FANCI: variants seen among roughly 807,000 people sequenced by gnomAD.
FANCI encodes Fanconi anemia group I protein.
FANCI carries 156 observed loss-of-function variants against 176.1 expected under a neutral mutation model. The observed-to-expected ratio is 0.89, with a 90% CI of 0.78 to 1.01. FANCI has a LOEUF of 1.01. Ranked by LOEUF, FANCI falls within the 50% of genes least tolerant of loss-of-function variation. The pLI, the probability that FANCI is intolerant of heterozygous loss-of-function variation, is 0.00. For synonymous variants in FANCI, 613 were observed against 541.7 expected, an observed-to-expected ratio of 1.13 and a Z score of -1.83; for missense variants, 1,678 against 1,534.1, an observed-to-expected ratio of 1.09 and a Z score of -1.57.
intron 18 of FANCI, among the ~76,000 whole-genome samples, chr15:89,288,989 A>C (rs941989388): frequency 1.3e-5 from 2 of 151,484 alleles, no homozygotes; most frequent in African/African-American, 4.8e-5. Flanking sequence ...CTTCCAATGA[A>C]TATTCACTAA....
chr15:89,295,120 C>T (rs2054203599), intron 24 of FANCI, 26 bp downstream of exon 24: 1 of 1,547,060 alleles, frequency 6.5e-7, no homozygotes, highest in African/African-American at 1.4e-5. Flanking sequence ...CCCTTAGAAA[C>T]TTATTCCACT....
chr15:89,297,498 T>C (rs1378410220), intron 24 of FANCI, among the ~76,000 whole-genome samples: 1 of 152,094 alleles, frequency 6.6e-6, no homozygotes, highest in African/African-American at 2.4e-5. Context: ...CGAGACTCCG[T>C]CTGCAATCCC....
chr15:89,305,661 C>A lies in FANCI; in HGVS notation c.3312C>A (p.Thr1104=), dbSNP rs761527571. 1 of 1,614,182 alleles carries A rather than the reference C, an allele frequency of 6.2e-7. No homozygotes were observed. The highest frequency in any genetic ancestry group is 1.3e-5 in the African/African-American group (1 of 75,046). The change falls in exon 31 of 38, where the codon ACC becomes ACA. Residue 1104 remains threonine (T), a synonymous_variant. Transcript: ENST00000310775. ...TAGAAGAAGTGGACTGGCTAATCAC[C>A]AAGCTTAAGGGACAAGTGAGCCAAG... ...KVLEEVDWLI[T]KLKGQVSQET...
At chr15:89,300,406 G>A in intron 26 of FANCI, 21 bp downstream of exon 26, 3 of 1,605,590 alleles carry the variant, frequency 1.9e-6, no homozygotes, top group Non-Finnish European at 8.5e-7. Context: ...TTGCAAAGCT[G>A]CTGTACTGGC....
In FANCI at chr15:89,288,376, A is replaced by C. The variant is rs143051583; in HGVS notation, c.1822-1837A>C. 2.6e-3 allele frequency among the ~76,000 whole-genome samples: 390 copies of C among 152,298 alleles called. 6 individuals are homozygous for C. The highest frequency in any genetic ancestry group is 9.1e-3 in the African/African-American group (380 of 41,558). On this transcript the variant is annotated intron_variant, in intron 18 of 37. Coordinates refer to ENST00000310775, the MANE Select transcript of FANCI (RefSeq NM_001113378.2). Reference sequence around the variant, plus strand: ...ACCCTTATTTAGCTCTAAAGTAAAAAAAATTAACATGAAGTGGATCATAGA... The same window carrying C: ...ACCCTTATTTAGCTCTAAAGTAAAACAAATTAACATGAAGTGGATCATAGA...
chr15:89,249,487 ACAAG>A (rs1311552812), intron 2 of FANCI, among the ~76,000 whole-genome samples: 2 of 152,128 alleles, frequency 1.3e-5, no homozygotes, highest in African/African-American at 4.8e-5. Context: ...AGCTGGGAGT[ACAAG>A]CATGTGCCAC....
chr15:89,269,275 A>C (rs1455884188), intron 10 of FANCI, among the ~76,000 whole-genome samples: 1 of 152,208 alleles, frequency 6.6e-6, no homozygotes, highest in African/African-American at 2.4e-5. Flanking sequence ...GCATGCTAAG[A>C]ATAAGGACAC....
chr15:89,281,737 C>G (rs1436443629), intron 15 of FANCI, 28 bp from the exon 16 acceptor site: 1 of 1,608,164 alleles, frequency 6.2e-7, no homozygotes, highest in Non-Finnish European at 8.5e-7. Context: ...CAAACTTGTT[C>G]TGTTTTTACC....
chr15:89,281,350 C>A, intron 15 of FANCI, 50 bp downstream of exon 15: 1 of 1,603,048 alleles, frequency 6.2e-7, no homozygotes, highest in South Asian at 1.1e-5. Flanking sequence ...GTTTAACTGT[C>A]TAGTGGAAGT....
chr15:89,281,056 T>G (rs1004339296), intron 14 of FANCI, 114 bp from the exon 15 acceptor site: 2 of 1,071,648 alleles, frequency 1.9e-6, no homozygotes, highest in African/African-American at 3.1e-5. Context: ...TGCAGTATAC[T>G]TGACTTATTT....
At chr15:89,278,608 C>A in intron 13 of FANCI, 79 bp from the exon 14 acceptor site, 1 of 1,030,006 alleles carries the variant, frequency 9.7e-7, no homozygotes, top group Non-Finnish European at 1.5e-6. Context: ...AACGGTTCTT[C>A]ATGCTGCCTG....
intron 24 of FANCI, among the ~76,000 whole-genome samples, chr15:89,296,727 G>A (rs1301714626): frequency 2.6e-5 from 4 of 152,126 alleles, no homozygotes; most frequent in Admixed American, 6.5e-5. Flanking sequence ...CCCAGACGGG[G>A]TGGTGGCTGG....
At chr15:89,297,303 A>G (rs1311504736) in intron 24 of FANCI, among the ~76,000 whole-genome samples, 1 of 133,276 alleles carries the variant, frequency 7.5e-6, no homozygotes, top group Admixed American at 7.5e-5. Flanking sequence ...GGCGCTCCTC[A>G]CCTCCTAGAT....
chr15:89,253,061 T>TA (rs1252882219), intron 2 of FANCI, among the ~76,000 whole-genome samples: 1 of 152,104 alleles, frequency 6.6e-6, no homozygotes, highest in Admixed American at 6.6e-5. Flanking sequence ...AAAACTTTTA[T>TA]AAATAAGAGT....
intron 10 of FANCI, among the ~76,000 whole-genome samples, chr15:89,271,618 A>T (rs55656989): frequency 0.036 from 5,462 of 152,070 alleles, 341 homozygotes; most frequent in African/African-American, 0.12. Flanking sequence ...CCCACTGTAG[A>T]GTTCTGACTA....
Position 89,307,504 on chromosome 15 carries a change from G to A in FANCI, c.3566G>A (p.Gly1189Glu). The change falls in exon 33 of 38, where the codon GGA becomes GAA. Residue 1189 changes from glycine (G) to glutamate (E), a missense_variant. Physicochemically the swap from Gly to Glu is moderately conservative, Grantham distance 98 (BLOSUM62 -2). This residue lies in a region of FANCI where 1,204 missense variants were observed against 1,077.4 expected (regional missense o/e 1.12). Coordinates refer to ENST00000310775, the MANE Select transcript of FANCI (RefSeq NM_001113378.2). ...YYLQVCQSSG[G>E]IPKNMEKLVK... is the part of the protein sequence containing the mutation. ...CTCCAGGTGTGTCAGAGCTCCGGAG[G>A]AATTCCAAAAAATATGGAAAAGCTG... is the stretch of plus-strand genomic sequence containing the variant. The A allele has an allele frequency of 6.2e-7, 1 of 1,614,162 alleles. No individual in the cohort carries two copies. The highest frequency in any genetic ancestry group is 8.5e-7 in the Non-Finnish European group (1 of 1,180,020).
Position 89,291,681 on chromosome 15 carries a change from C to A in FANCI, c.1959C>A (p.Thr653=), listed in dbSNP as rs1256723044. The stretch of plus-strand genomic sequence containing the variant: ...TGAAATTAGAAGCTTGTATTCTGAC[C>A]CAAGGAGATAAGATCTCTCTACAAG... ...PPLKLEACIL[T]QGDKISLQEP... The change falls in exon 20 of 38, where the codon ACC becomes ACA. Residue 653 remains threonine (T), a synonymous_variant. Coordinates refer to ENST00000310775, the MANE Select transcript of FANCI (RefSeq NM_001113378.2). 3 of 1,613,532 alleles carry A rather than the reference C, an allele frequency of 1.9e-6. No homozygotes were observed. The highest frequency in any genetic ancestry group is 2.7e-5 in the African/African-American group (2 of 74,840).
Position 89,298,177 on chromosome 15 carries a change from T to C in FANCI, c.2637-1623T>C, listed in dbSNP as rs28515523. 4.8e-3 allele frequency among the ~76,000 whole-genome samples: 723 copies of C among 152,168 alleles called. 6 individuals are homozygous for C. The highest frequency in any genetic ancestry group is 0.016 in the African/African-American group (645 of 41,514). On this transcript the variant is annotated intron_variant, in intron 24 of 37. Transcript: ENST00000310775. ...CCCAGCTTGATTTAATTGACACTTA[T>C]AAGAACACTCCACAGCACCTTCAAA...
At chr15:89,267,331 AAT>A (rs748349159) in intron 9 of FANCI, among the ~76,000 whole-genome samples, 35 of 145,202 alleles carry the variant, frequency 2.4e-4, no homozygotes, top group Admixed American at 2.7e-4. Context: ...AAAAAAAAAA[AAT>A]TTTTTTTTTT....
Sources: allele counts gnomAD v4.1 joint callset (sites outside exome capture counted in the v4.1 genomes callset), GRCh38; gene constraint gnomAD v4.1.1; regional missense constraint gnomAD v4.1.1; transcripts MANE v1.5; gene names NCBI Gene and HGNC (gene_info 2026-07-23, HGNC 2026-07-21).